Variants in LUC7L3 observed in about 807,000 individuals in gnomAD.
The protein encoded by LUC7L3 is luc7-like protein 3.
In LUC7L3, 6 loss-of-function variants were observed where a neutral mutation model predicts 66.8. That is an observed-to-expected ratio of 0.09 (90% CI 0.05 to 0.18). LUC7L3 has a LOEUF of 0.18. Ranked by LOEUF, LUC7L3 falls within the 10% of genes least tolerant of loss-of-function variation. The pLI, the probability that LUC7L3 is intolerant of heterozygous loss-of-function variation, is 1.00. For synonymous variants in LUC7L3, 160 were observed against 174.7 expected (o/e 0.92, Z 0.66); for missense variants, 341 against 531.1 (o/e 0.64, Z 3.52).
In LUC7L3 at chr17:50,751,601, A is replaced by G. The variant is rs1357681031; in HGVS notation, c.*940A>G. On this transcript the variant is annotated 3_prime_UTR_variant, in exon 10 of 10. Coordinates refer to ENST00000505658, the MANE Select transcript of LUC7L3 (RefSeq NM_016424.5). ...ATATCTTTAAAGAATTTTAAATACA[A>G]TAAACACTTCATATTATTCGCCTTG... 1.7e-6 allele frequency: 2 copies of G among 1,148,482 alleles called. No individual in the cohort carries two copies. The highest frequency in any genetic ancestry group is 2.2e-6 in the Non-Finnish European group (2 of 921,360). The allele number at this position is 1,148,482 out of a possible 1,614,324, so 71.1% of individuals were successfully genotyped here. A position where few individuals can be genotyped will look rare whatever the true frequency, so the allele number is the denominator to read the frequency against.
At chr17:50,743,483 G>C (rs917813289) in intron 5 of LUC7L3, among the ~76,000 whole-genome samples, 5 of 152,106 alleles carry the variant, frequency 3.3e-5, no homozygotes, top group Admixed American at 2.6e-4. Flanking sequence ...TTGGATTACA[G>C]GCATGAGCCA....
chr17:50,729,926 ATATATATATATATATATATG>A lies in LUC7L3; in HGVS notation c.100-7030_100-7011del, dbSNP rs1248456404. 2.4e-4 allele frequency among the ~76,000 whole-genome samples: 8 copies of A among 32,884 alleles called. 1 individual carries two copies. The highest frequency in any genetic ancestry group is 8.3e-4 in the East Asian group (1 of 1,206). The allele number at this position is 32,884 out of a possible 152,430, so 21.6% of individuals were successfully genotyped here. A position where few individuals can be genotyped will look rare whatever the true frequency, so the allele number is the denominator to read the frequency against. ...TATATATATATATATATATATATAT[ATATATATATATATATATATG>A]TATGTATTTTGGGGGTGGGGAGGTG... On this transcript the variant is annotated intron_variant, in intron 1 of 9. Coordinates refer to ENST00000505658, the MANE Select transcript of LUC7L3 (RefSeq NM_016424.5).
chr17:50,734,637 C>T (rs1396110123), intron 1 of LUC7L3, among the ~76,000 whole-genome samples: 1 of 152,132 alleles, frequency 6.6e-6, no homozygotes, highest in African/African-American at 2.4e-5. Flanking sequence ...CAGGCCTGCA[C>T]CACTGTGCCC....
intron 3 of LUC7L3, 95 bp from the exon 4 acceptor site, chr17:50,741,007 A>G: frequency 1.6e-6 from 2 of 1,230,534 alleles, no homozygotes; most frequent in Non-Finnish European, 2.4e-6. Flanking sequence ...CTGCAGCCTA[A>G]ATGGAATAGT....
In LUC7L3 at chr17:50,736,951, C is replaced by T. The variant is rs1415363822; in HGVS notation, c.100-9C>T. 2.5e-6 allele frequency: 4 copies of T among 1,593,440 alleles called. No homozygotes were observed. In the South Asian group the frequency reaches 3.4e-5, roughly 13 times the overall value. On this transcript the variant is annotated splice_polypyrimidine_tract_variant and intron_variant, in intron 1 of 9. Coordinates refer to ENST00000505658, the MANE Select transcript of LUC7L3 (RefSeq NM_016424.5). ...CAATTTTTTAAGTACCTTTGTTTTT[C>T]TTTACTAGGTTTGTAAATATTATCT... is the stretch of plus-strand genomic sequence containing the variant.
At chr17:50,724,746 A>G (rs917343529) in intron 1 of LUC7L3, among the ~76,000 whole-genome samples, 1 of 142,098 alleles carries the variant, frequency 7.0e-6, no homozygotes, top group Non-Finnish European at 1.5e-5. Context: ...CGTTTTATGA[A>G]ATATTTTCTC....
At chr17:50,742,377 T>C (rs1018115236) in intron 5 of LUC7L3, among the ~76,000 whole-genome samples, 1 of 152,184 alleles carries the variant, frequency 6.6e-6, no homozygotes, top group Admixed American at 6.5e-5. Context: ...GTTACTGTTT[T>C]TTTGACAGTC....
Position 50,746,582 on chromosome 17 carries a change from G to A in LUC7L3, c.1018G>A (p.Glu340Lys). Residue 340 changes from glutamate (E) to lysine (K), a missense_variant, in exon 9 of 10, where the codon GAA (glutamate) becomes AAA (lysine). Around this residue, in one of 6 missense-constraint regions of LUC7L3, gnomAD observed 210 missense variants for 238.1 expected, o/e 0.88. Transcript: ENST00000505658. ...RRRSRSHDRS[E>K]RKHRSRSRDR... ...AAGAAGCAGAAGCCATGATCGATCAGAAAGAAAACACAGATCTCGAAGTCG... is the reference window on the plus strand; with the variant it reads ...AAGAAGCAGAAGCCATGATCGATCAAAAAGAAAACACAGATCTCGAAGTCG... The A allele has an allele frequency of 6.2e-7, 1 of 1,614,100 alleles. No individual in the cohort carries two copies. Among genetic ancestry groups the A allele is most frequent in the Non-Finnish European group, 8.5e-7 (1 of 1,180,006 alleles).
rs1193907640 is a variant in LUC7L3, at chr17:50,735,235, AAAAAAAAAAAG to A, written c.100-1714_100-1704del. Reference sequence around the variant, plus strand: ...ACAAGAGCGAAACTCTGTCTCAAAAAAAAAAAAAAAGAAAAAAAAAACTTTCGTGTCTGTGA... The same window carrying A: ...ACAAGAGCGAAACTCTGTCTCAAAAAAAAAAAAAAACTTTCGTGTCTGTGA... On this transcript the variant is annotated intron_variant, in intron 1 of 9. Coordinates refer to ENST00000505658, the MANE Select transcript of LUC7L3 (RefSeq NM_016424.5). 8.1e-5 allele frequency among the ~76,000 whole-genome samples: 7 copies of A among 86,300 alleles called. No homozygotes were observed. The East Asian group carries it at 2.3e-3, about 29-fold the overall frequency. The allele number at this position is 86,300 out of a possible 152,430, so 56.6% of individuals were successfully genotyped here.
At chr17:50,736,834 A>G in intron 1 of LUC7L3, 126 bp from the exon 2 acceptor site, 1 of 645,076 alleles carries the variant, frequency 1.6e-6, no homozygotes, top group Non-Finnish European at 2.7e-6. Flanking sequence ...GATTCAACAA[A>G]TGAAATTCTT....
intron 1 of LUC7L3, chr17:50,723,126 C>G (rs1163200961): frequency 1.3e-5 from 2 of 152,106 alleles, no homozygotes; most frequent in African/African-American, 2.4e-5. Flanking sequence ...AAAGTCTGAT[C>G]GGGAGTTTTG....
chr17:50,722,932 G>A (rs963571511), intron 1 of LUC7L3: 9 of 152,180 alleles, frequency 5.9e-5, no homozygotes, highest in African/African-American at 1.4e-4. Context: ...AATTGTTTGA[G>A]ATTATTGTTT....
chr17:50,749,380 C>T, intron 9 of LUC7L3: 1 of 1,267,544 alleles, frequency 7.9e-7, no homozygotes, highest in Non-Finnish European at 1.0e-6. Flanking sequence ...ACAGTTCTCA[C>T]AAGTGGACAG....
rs1285895863 is a variant in LUC7L3, at chr17:50,720,552, A to G, written c.99+721A>G. ...ATCTTTGTAGTTCTGTTAGCTTTCC[A>G]CAATCCTATGAAACTGGTTCTCTGC... On this transcript the variant is annotated intron_variant, in intron 1 of 9. Transcript: ENST00000505658. 2.6e-5 allele frequency among the ~76,000 whole-genome samples: 4 copies of G among 152,238 alleles called. No homozygotes were observed. In the East Asian group the frequency reaches 7.7e-4, roughly 29 times the overall value.
chr17:50,741,467 A>G (rs1370136080), intron 4 of LUC7L3, among the ~76,000 whole-genome samples, 190 bp from the exon 5 acceptor site: 5 of 152,222 alleles, frequency 3.3e-5, no homozygotes, highest in Non-Finnish European at 7.3e-5. Flanking sequence ...CTTGAGGCCA[A>G]GATTTTTCCC....
At chr17:50,741,820 C>A in intron 5 of LUC7L3, 89 bp downstream of exon 5, 2 of 1,004,806 alleles carry the variant, frequency 2.0e-6, no homozygotes, top group South Asian at 1.4e-5. Flanking sequence ...CATGGTAACT[C>A]ATGTGTATAA....
intron 1 of LUC7L3, among the ~76,000 whole-genome samples, chr17:50,730,529 A>AAAAAAAAAAAAAAAG (rs1567861403): frequency 1.3e-5 from 2 of 150,818 alleles, no homozygotes; most frequent in African/African-American, 4.9e-5. Context: ...AAAAAAAAAA[A>AAAAAAAAAAAAAAAG]AAAAAAAAAG....
At chr17:50,733,612 A>T (rs1053614402) in intron 1 of LUC7L3, among the ~76,000 whole-genome samples, 1 of 151,978 alleles carries the variant, frequency 6.6e-6, no homozygotes, top group Non-Finnish European at 1.5e-5. Context: ...CGTGTTAGCC[A>T]GGATGATCTC....
chr17:50,724,492 G>C (rs1406580036), intron 1 of LUC7L3, among the ~76,000 whole-genome samples: 5 of 151,990 alleles, frequency 3.3e-5, no homozygotes, highest in Non-Finnish European at 5.9e-5. Flanking sequence ...CCACAGTCCA[G>C]CCTGGGCAAC....
Sources: allele counts gnomAD v4.1 joint callset (sites outside exome capture counted in the v4.1 genomes callset), GRCh38; gene constraint gnomAD v4.1.1; regional missense constraint gnomAD v4.1.1; transcripts MANE v1.5; gene names NCBI Gene and HGNC (gene_info 2026-07-23, HGNC 2026-07-21).